Variants in ROR2 observed in about 807,000 individuals in gnomAD.
ROR2 encodes the protein tyrosine-protein kinase transmembrane receptor ROR2.
A neutral mutation model predicts 74.9 loss-of-function variants in ROR2; 33 were observed. The ratio of observed to expected loss-of-function variants is 0.44; its 90% CI spans 0.33 to 0.59. The LOEUF is 0.59. Among genes scored for constraint, ROR2 ranks in the 20% least tolerant of loss-of-function variants. The pLI is 0.02. For synonymous variants in ROR2, 586 were observed against 558.7 expected (o/e 1.05, Z -0.69); for missense variants, 1,216 against 1,313.8 (o/e 0.93, Z 1.15).
intron 1 of ROR2, among the ~76,000 whole-genome samples, chr9:91,911,993 C>T (rs985883468): frequency 3.5e-5 from 5 of 143,860 alleles, no homozygotes; most frequent in Admixed American, 6.9e-5. Flanking sequence ...CAAAATTTAT[C>T]GGAGGTACTC....
At chr9:91,796,841 G>A (rs1438793989) in intron 1 of ROR2, among the ~76,000 whole-genome samples, 88 of 130,454 alleles carry the variant, frequency 6.7e-4, no homozygotes, top group Non-Finnish European at 1.2e-3. Flanking sequence ...TGACACCCTG[G>A]GCTCTGTGGG....
In ROR2 at chr9:91,724,582, G is replaced by T. The variant is rs750174836; in HGVS notation, c.1912C>A (p.Arg638=). The T allele has an allele frequency of 2.5e-6, 4 of 1,614,078 alleles. No homozygotes were observed. Among genetic ancestry groups the T allele is most frequent in the Non-Finnish European group, 3.4e-6 (4 of 1,180,014 alleles). Residue 638 remains arginine, a synonymous_variant, in exon 9 of 9, where the codon CGA becomes AGA. Transcript: ENST00000375708. The part of the protein sequence containing the change: ...NVKISDLGLF[R]EVYAADYYKL... The stretch of plus-strand genomic sequence containing the variant: ...TAGTAATCGGCGGCATACACCTCTC[G>T]GAAGAGGCCCAAGTCTGAGATCTTC...
chr9:91,793,012 C>T (rs1402097415), intron 1 of ROR2, among the ~76,000 whole-genome samples: 1 of 152,202 alleles, frequency 6.6e-6, no homozygotes, highest in Non-Finnish European at 1.5e-5. Flanking sequence ...TAAGGTCAAT[C>T]CTTCATAGTC....
chr9:91,796,692 G>T (rs1827184596), intron 1 of ROR2, among the ~76,000 whole-genome samples: 2 of 152,014 alleles, frequency 1.3e-5, no homozygotes, highest in Non-Finnish European at 2.9e-5. Flanking sequence ...TAGTAGATGG[G>T]GCTGATACAC....
intron 2 of ROR2, among the ~76,000 whole-genome samples, chr9:91,772,152 G>T (rs927975204): frequency 6.6e-6 from 1 of 152,194 alleles, no homozygotes; most frequent in Non-Finnish European, 1.5e-5. Context: ...TTGTGCAGGA[G>T]CAAGAACTCA....
intron 1 of ROR2, among the ~76,000 whole-genome samples, chr9:91,916,614 T>A (rs542412307): frequency 6.6e-6 from 1 of 152,346 alleles, no homozygotes; most frequent in Admixed American, 6.5e-5. Context: ...GGTTCCATTA[T>A]GTACGGTTTT....
chr9:91,918,530 C>G (rs1831192497), intron 1 of ROR2, among the ~76,000 whole-genome samples: 1 of 152,194 alleles, frequency 6.6e-6, no homozygotes, highest in African/African-American at 2.4e-5. Context: ...ACATAGGAAA[C>G]TGCCATTTTT....
chr9:91,724,252 C>G lies in ROR2; in HGVS notation c.2242G>C (p.Ala748Pro). The change falls in exon 9 of 9, where the codon GCC (alanine) becomes CCC (proline). Residue 748 changes from alanine (A) to proline (P), a missense_variant. Physicochemically the swap from Ala to Pro is conservative, Grantham distance 27 (BLOSUM62 -1). Transcript: ENST00000375708. Reference sequence around the variant, plus strand: ...TTGTAGTTGGAAAGGTTGCCCCAGGCTCGGAGCCGGCTGTGGATGTCCTTG... The same window carrying G: ...TTGTAGTTGGAAAGGTTGCCCCAGGGTCGGAGCCGGCTGTGGATGTCCTTG... Reference protein sequence around the residue: ...RFKDIHSRLRAWGNLSNYNSS... With the variant: ...RFKDIHSRLRPWGNLSNYNSS... The G allele has an allele frequency of 6.2e-7, 1 of 1,613,572 alleles. No homozygotes were observed.
chr9:91,923,108 AGAG>A (rs1163676359), intron 1 of ROR2, among the ~76,000 whole-genome samples: 2 of 152,234 alleles, frequency 1.3e-5, no homozygotes, highest in Non-Finnish European at 2.9e-5. Context: ...TCACCTGGAC[AGAG>A]AAGATGCCCA....
chr9:91,831,660 A>G (rs1012901390), intron 1 of ROR2, among the ~76,000 whole-genome samples: 2 of 141,138 alleles, frequency 1.4e-5, no homozygotes, highest in Non-Finnish European at 3.2e-5. Context: ...CTGTAATCTC[A>G]GCTACTTGGG....
At chr9:91,848,475 T>C (rs1197081095) in intron 1 of ROR2, among the ~76,000 whole-genome samples, 1 of 152,106 alleles carries the variant, frequency 6.6e-6, no homozygotes, top group African/African-American at 2.4e-5. Context: ...AAAATAACAT[T>C]TGGGGCCAGG....
intron 1 of ROR2, among the ~76,000 whole-genome samples, chr9:91,935,707 A>G (rs1831664988): frequency 6.6e-6 from 1 of 152,136 alleles, no homozygotes; most frequent in South Asian, 2.1e-4. Flanking sequence ...CCACCCCCGG[A>G]GAGCTGCCTC....
chr9:91,908,275 C>T (rs1475462609), intron 1 of ROR2, among the ~76,000 whole-genome samples: 3 of 152,212 alleles, frequency 2.0e-5, no homozygotes, highest in African/African-American at 4.8e-5. Context: ...GTGCCTGGGG[C>T]ACCCGCAGCA....
intron 1 of ROR2, among the ~76,000 whole-genome samples, chr9:91,835,607 A>G (rs757403872): frequency 6.6e-6 from 1 of 152,246 alleles, no homozygotes; most frequent in Non-Finnish European, 1.5e-5. Context: ...TCATCGCAGT[A>G]AACTCAGGAG....
chr9:91,818,277 T>G (rs776965070), intron 1 of ROR2, among the ~76,000 whole-genome samples: 5 of 152,220 alleles, frequency 3.3e-5, no homozygotes, highest in Admixed American at 6.5e-5. Context: ...AGATTCCTAT[T>G]CTTTGATATG....
chr9:91,822,171 A>T (rs1828158088), intron 1 of ROR2, among the ~76,000 whole-genome samples: 1 of 152,232 alleles, frequency 6.6e-6, no homozygotes, highest in African/African-American at 2.4e-5. Flanking sequence ...CCAGCTATAC[A>T]AAGTCAAGAT....
At chr9:91,926,543 C>CAAAAAAAAAAAAAA (rs34550588) in intron 1 of ROR2, among the ~76,000 whole-genome samples, 5 of 101,134 alleles carry the variant, frequency 4.9e-5, no homozygotes, top group Admixed American at 2.4e-4. Context: ...GACTCCATCT[C>CAAAAAAAAAAAAAA]AAAAAAAAAA....
chr9:91,776,373 T>C (rs935888493), intron 1 of ROR2, among the ~76,000 whole-genome samples: 5 of 152,226 alleles, frequency 3.3e-5, no homozygotes, highest in African/African-American at 9.6e-5. Context: ...TCATTTCTAG[T>C]CCAAATTTAC....
chr9:91,914,193 G>A (rs1356481248), intron 1 of ROR2, among the ~76,000 whole-genome samples: 1 of 152,160 alleles, frequency 6.6e-6, no homozygotes, highest in Non-Finnish European at 1.5e-5. Context: ...CAAGTACAAA[G>A]GCGCTTCCCT....
Sources: gnomAD v4.1 joint callset for allele counts (sites outside exome capture counted in the v4.1 genomes callset) on GRCh38, gnomAD v4.1.1 for gene constraint, MANE v1.5 for transcripts, NCBI Gene and HGNC (gene_info 2026-07-23, HGNC 2026-07-21) for gene names.